PIR: variants seen among roughly 807,000 people sequenced by gnomAD.
PIR encodes the protein pirin (iron-binding nuclear protein).
A neutral mutation model predicts 24.2 loss-of-function variants in PIR; 22 were observed. The ratio of observed to expected loss-of-function variants is 0.91; its 90% CI spans 0.65 to 1.30. The LOEUF is 1.30. Among genes scored for constraint, PIR ranks in the 50% most tolerant of loss-of-function variants. The probability of loss-of-function intolerance (pLI) is 0.00; values close to 1 mark genes in which losing one functional copy is unlikely to be tolerated. For missense variants in PIR, 220 were observed against 220.3 expected (o/e 1.00, Z 0.01); for synonymous variants, 80 against 79.6 (o/e 1.00, Z -0.03).
intron 4 of PIR, among the ~76,000 whole-genome samples, chrX:15,458,191 T>A (rs1160010850): frequency 8.9e-6 from 1 of 111,900 alleles, no homozygotes; most frequent in Admixed American, 9.5e-5. Flanking sequence ...TGGCAATACT[T>A]TACCTAAAAT....
chrX:15,458,462 G>A (rs970415922), intron 4 of PIR, among the ~76,000 whole-genome samples: 4 of 110,664 alleles, frequency 3.6e-5, no homozygotes, highest in Non-Finnish European at 5.7e-5. Flanking sequence ...ACAACATAAC[G>A]AGACCCCATC....
intron 5 of PIR, among the ~76,000 whole-genome samples, chrX:15,447,346 C>T (rs1012869662): frequency 5.5e-5 from 6 of 108,986 alleles, no homozygotes; most frequent in Admixed American, 1.9e-4. Flanking sequence ...CTCACTCTGT[C>T]GCCCAGGGCC....
chrX:15,464,111 T>C (rs1021309369), intron 3 of PIR: 3 of 112,008 alleles, frequency 2.7e-5, no homozygotes, highest in African/African-American at 9.7e-5. Context: ...CAGAAAAAAA[T>C]GAAATATTAT....
At chrX:15,392,336 G>A (rs1273539704) in intron 8 of PIR, among the ~76,000 whole-genome samples, 3 of 111,360 alleles carry the variant, frequency 2.7e-5, no homozygotes, top group South Asian at 3.7e-4. Context: ...AAATGATTAC[G>A]CACTTTAAAA....
At chrX:15,407,625 A>G (rs1267582765) in intron 6 of PIR, 75 bp from the exon 7 acceptor site, 1 of 738,723 alleles carries the variant, frequency 1.4e-6, no homozygotes, top group Non-Finnish European at 2.1e-6. Flanking sequence ...CGTATTACAA[A>G]CACAAAGATA....
intron 8 of PIR, among the ~76,000 whole-genome samples, chrX:15,392,995 G>GC (rs1203079338): frequency 2.7e-5 from 3 of 112,245 alleles, no homozygotes; most frequent in Non-Finnish European, 5.6e-5. Flanking sequence ...GGTGTCAAAT[G>GC]ATGAAAATCA....
At chrX:15,425,601 G>C (rs138363734) in intron 6 of PIR, among the ~76,000 whole-genome samples, 10 of 109,637 alleles carry the variant, frequency 9.1e-5, no homozygotes, top group Non-Finnish European at 1.9e-4. Context: ...TAGTAGAGAC[G>C]GGGTTTCACA....
intron 5 of PIR, among the ~76,000 whole-genome samples, chrX:15,438,905 G>A (rs924507362): frequency 9.0e-5 from 10 of 111,401 alleles, no homozygotes; most frequent in African/African-American, 2.9e-4. Flanking sequence ...TGCAGGGACC[G>A]GGTGACACAA....
At chrX:15,432,858 A>G (rs975057363) in intron 5 of PIR, among the ~76,000 whole-genome samples, 7 of 111,917 alleles carry the variant, frequency 6.3e-5, no homozygotes, top group African/African-American at 9.8e-5. Context: ...TTGAAATAAT[A>G]TATTTGGAGA....
intron 5 of PIR, among the ~76,000 whole-genome samples, chrX:15,429,094 G>A (rs780803642): frequency 1.2e-4 from 13 of 111,499 alleles, no homozygotes; most frequent in Admixed American, 1.9e-4. Context: ...CTGTATTCTT[G>A]CCCTCAACTT....
At chrX:15,396,934 G>T (rs1382605505) in intron 8 of PIR, among the ~76,000 whole-genome samples, 1 of 111,294 alleles carries the variant, frequency 9.0e-6, no homozygotes. Context: ...TGGACACGGG[G>T]TTTCACCGTG....
intron 3 of PIR, among the ~76,000 whole-genome samples, chrX:15,464,763 T>G (rs759805455): frequency 8.9e-6 from 1 of 112,657 alleles, no homozygotes; most frequent in East Asian, 2.8e-4. Flanking sequence ...TGCTTTGCTT[T>G]TCCTGCTGCA....
chrX:15,442,585 G>T (rs752642432), intron 5 of PIR, among the ~76,000 whole-genome samples: 2 of 112,332 alleles, frequency 1.8e-5, no homozygotes, highest in East Asian at 2.8e-4. Context: ...AGTTGGGAAT[G>T]CAAGGGAAAA....
At chrX:15,468,646 T>TTA (rs1362825514) in intron 3 of PIR, among the ~76,000 whole-genome samples, 1 of 112,603 alleles carries the variant, frequency 8.9e-6, no homozygotes, top group African/African-American at 3.2e-5. Context: ...TTCTCAAACT[T>TTA]TGAGTGAGTG....
In PIR at chrX:15,388,091, T is replaced by C. The variant is rs187876063; in HGVS notation, c.760+2094A>G. On this transcript the variant is annotated intron_variant, in intron 9 of 9. Coordinates refer to ENST00000380420, the MANE Select transcript of PIR (RefSeq NM_001018109.3). ...TGAATCCAGAAAGCATGTTTTTAAATTGATCAACTACAAGGGTTGTGAACA... is the reference window on the plus strand; with the variant it reads ...TGAATCCAGAAAGCATGTTTTTAAACTGATCAACTACAAGGGTTGTGAACA... 7.0e-3 allele frequency among the ~76,000 whole-genome samples: 783 copies of C among 112,303 alleles called. 9 individuals are homozygous for C. Among genetic ancestry groups the C allele is most frequent in the African/African-American group, 0.024 (736 of 30,977 alleles).
intron 7 of PIR, among the ~76,000 whole-genome samples, chrX:15,398,669 GGTGT>G (rs371177726): frequency 3.2e-3 from 246 of 76,104 alleles, no homozygotes; most frequent in African/African-American, 7.3e-3. Context: ...GAGGAGGGAG[GGTGT>G]GTGTGTGTGT....
intron 6 of PIR, among the ~76,000 whole-genome samples, chrX:15,424,140 C>G (rs1439570832): frequency 8.9e-6 from 1 of 112,165 alleles, no homozygotes; most frequent in Non-Finnish European, 1.9e-5. Context: ...CAGCATTATT[C>G]ACAATGTACA....
chrX:15,403,156 T>G (rs1011221319), intron 7 of PIR, among the ~76,000 whole-genome samples: 1 of 111,633 alleles, frequency 9.0e-6, no homozygotes, highest in Non-Finnish European at 1.9e-5. Context: ...TGCACATTTG[T>G]GTTTCCCCGC....
intron 3 of PIR, among the ~76,000 whole-genome samples, chrX:15,463,962 G>A (rs1401440796): frequency 8.9e-6 from 1 of 112,405 alleles, no homozygotes; most frequent in East Asian, 2.8e-4. Context: ...TCCATTCTCT[G>A]CAATATTTAC....
Sources: allele counts gnomAD v4.1 joint callset (sites outside exome capture counted in the v4.1 genomes callset), GRCh38; gene constraint gnomAD v4.1.1; transcripts MANE v1.5; gene names NCBI Gene and HGNC (gene_info 2026-07-23, HGNC 2026-07-21).